The following NOL8 variants were observed in gnomAD, a reference collection of about 807,000 sequenced individuals.
NOL8 encodes the protein nucleolar protein Nop132.
A neutral mutation model predicts 116.1 loss-of-function variants in NOL8; 93 were observed. The ratio of observed to expected loss-of-function variants is 0.80; its 90% CI spans 0.68 to 0.95. The LOEUF (loss-of-function observed/expected upper bound fraction) is 0.95. NOL8 is among the 40% of genes least tolerant of loss of function. NOL8 has a pLI of 0.00. For missense variants in NOL8, 1,291 were observed against 1,382.8 expected, an observed-to-expected ratio of 0.93 and a Z score of 1.05; for synonymous variants, 419 against 469.0, an observed-to-expected ratio of 0.89 and a Z score of 1.38.
chr9:92,300,867 A>G (rs1587943283), intron 13 of NOL8: 1 of 1,036,490 alleles, frequency 9.6e-7, no homozygotes, highest in Non-Finnish European at 1.2e-6. Flanking sequence ...TGCTATTTTA[A>G]CTGCTGATCT....
rs1839301967 is a variant in NOL8, at chr9:92,315,494, G to A, written c.1131C>T (p.Asp377=). 1.2e-6 allele frequency: 2 copies of A among 1,608,650 alleles called. No individual in the cohort carries two copies. Among genetic ancestry groups the A allele is most frequent in the Admixed American group, 1.7e-5 (1 of 59,276 alleles). ...DDIMRNDREY[D]SGDTDEIIAM... is the part of the protein sequence containing the mutation. ...CAATAATTTCATCTGTATCTCCTGA[G>A]TCATACTCACGATCATTTCTCATAA... Residue 377 remains aspartate, a synonymous_variant, in exon 7 of 17, where the codon GAC becomes GAT. Coordinates refer to ENST00000442668, the MANE Select transcript of NOL8 (RefSeq NM_017948.6).
rs757363068 is a variant in NOL8, at chr9:92,316,174, G to GT, written c.487-37dup. The GT allele has an allele frequency of 8.9e-6, 14 of 1,567,792 alleles. No homozygotes were observed. The African/African-American group carries it at 1.9e-4, about 21-fold the overall frequency. On this transcript the variant is annotated intron_variant, in intron 6 of 16. Transcript: ENST00000442668. ...TCAAGAAACAAAACTAAAGCACTTG[G>GT]TTTTAGGAAAACTCATCAATCTTTG...
intron 6 of NOL8, among the ~76,000 whole-genome samples, chr9:92,318,060 AT>A (rs1211528631): frequency 6.9e-6 from 1 of 145,364 alleles, no homozygotes; most frequent in Non-Finnish European, 1.5e-5. Context: ...AAAAAAAAAG[AT>A]TAAAAAAAAA....
rs35089570 is a variant in NOL8 at position 92,312,827 on chromosome 9, CAAAA to C, written c.2358+1436_2358+1439del. On this transcript the variant is annotated intron_variant, in intron 7 of 16. Transcript: ENST00000442668. ...GGGCAACAAGAGCAAAACTCCATCT[CAAAA>C]AAAAAAAAAAAAAAAAAGAAAAGAA... 7.6e-3 allele frequency among the ~76,000 whole-genome samples: 423 copies of C among 55,448 alleles called. 2 individuals carry two copies. The highest frequency in any genetic ancestry group is 0.012 in the Middle Eastern group (1 of 86). 36.4% of individuals were successfully genotyped at this position (55,448 alleles called of 152,430 possible). A position where few individuals can be genotyped will look rare whatever the true frequency, so the allele number is the denominator to read the frequency against.
Position 92,297,879 on chromosome 9 carries a change from C to G in NOL8, c.3461G>C (p.Arg1154Pro). The G allele has an allele frequency of 6.5e-7, 1 of 1,543,366 alleles. No homozygotes were observed. The highest frequency in any genetic ancestry group is 8.7e-7 in the Non-Finnish European group (1 of 1,144,116). The change falls in exon 17 of 17, where the codon CGA becomes CCA. Residue 1154 changes from arginine (R) to proline (P), a missense_variant. Coordinates refer to ENST00000442668, the MANE Select transcript of NOL8 (RefSeq NM_017948.6). The stretch of plus-strand genomic sequence containing the variant: ...CCTTTTTGCGTCTTTATGTTTCTTT[C>G]GACAATCCTAGGAAAAAAAAAAGAC... ...ARTTNLRMDCRKKHKDAKRKM... is the reference protein window; with the variant it reads ...ARTTNLRMDCPKKHKDAKRKM...
chr9:92,325,048 ATTTCGTTTAGCAC>A, intron 1 of NOL8: 1 of 152,128 alleles, frequency 6.6e-6, no homozygotes, highest in Non-Finnish European at 1.5e-5. Flanking sequence ...AGTATCTCTC[ATTTCGTTTAGCAC>A]CCGGCAGGCG....
At position 92,315,926 on chromosome 9, in the gene NOL8, C is replaced by A; in HGVS notation, c.699G>T (p.Leu233=). Residue 233 remains leucine, a synonymous_variant, in exon 7 of 17, where the codon CTG becomes CTT. Coordinates refer to ENST00000442668, the MANE Select transcript of NOL8 (RefSeq NM_017948.6). ...CCCTCCTGGGCCTTGTACTCATGGC[C>A]AGAGACCCAGTGGAACTCTCATCCT... ...VQKDESSTGS[L]AMSTRPRRVI... 6.2e-7 allele frequency: 1 copy of A among 1,613,860 alleles called. No individual in the cohort carries two copies. Among genetic ancestry groups the A allele is most frequent in the South Asian group, 1.1e-5 (1 of 91,080 alleles).
chr9:92,309,845 T>C (rs1049647420), intron 10 of NOL8, among the ~76,000 whole-genome samples: 19 of 152,194 alleles, frequency 1.2e-4, no homozygotes, highest in African/African-American at 4.6e-4. Context: ...GACTTAACTG[T>C]CTTCCATGGC....
chr9:92,298,031 G>T (rs1837390811), intron 16 of NOL8, 145 bp from the exon 17 acceptor site: 1 of 737,524 alleles, frequency 1.4e-6, no homozygotes, highest in Non-Finnish European at 2.2e-6. Flanking sequence ...GGGGATATTG[G>T]CATTTTTGGC....
rs1056892853 is a variant in NOL8, at chr9:92,300,104, G to A, written c.3176-88C>T. The A allele has an allele frequency of 1.1e-4, 160 of 1,485,986 alleles. 2 individuals carry two copies. The Middle Eastern group carries it at 1.2e-3, about 12-fold the overall frequency. The allele number at this position is 1,485,986 out of a possible 1,614,324, so 92.1% of individuals were successfully genotyped here. ...ACATTCATTTGATTACTTTTACCAC[G>A]TAGACATATCTAAAGTTCCAATATG... On this transcript the variant is annotated intron_variant, in intron 13 of 16. Transcript: ENST00000442668.
intron 13 of NOL8, 53 bp downstream of exon 13, chr9:92,301,498 C>CA (rs1313293762): frequency 7.4e-7 from 1 of 1,343,444 alleles, no homozygotes; most frequent in Non-Finnish European, 1.0e-6. Flanking sequence ...CAGATTCAAT[C>CA]AATTAAGTTC....
rs570218346 is a variant in NOL8, at chr9:92,305,766, TATC to T, written c.2887_2889del (p.Asp963del). 1.7e-4 allele frequency: 278 copies of T among 1,608,610 alleles called. 2 individuals carry two copies. The East Asian group carries it at 4.7e-3, about 27-fold the overall frequency. ...AGCTCTACTTACCTTTCTTTTGGCT[TATC>T]ATCTCTTTTTCTTTCGTAAGTGGCA... On this transcript the variant is annotated inframe_deletion, in exon 12 of 17. Coordinates refer to ENST00000442668, the MANE Select transcript of NOL8 (RefSeq NM_017948.6).
chr9:92,307,625 A>C (rs1043008740), intron 10 of NOL8, among the ~76,000 whole-genome samples: 1 of 152,240 alleles, frequency 6.6e-6, no homozygotes, highest in African/African-American at 2.4e-5. Context: ...TGGATTACAG[A>C]AATACAAAAG....
chr9:92,303,099 A>AATAC (rs1487623724), intron 12 of NOL8, among the ~76,000 whole-genome samples: 1 of 152,202 alleles, frequency 6.6e-6, no homozygotes, highest in Non-Finnish European at 1.5e-5. Flanking sequence ...ACAGTGAAAT[A>AATAC]AGAGAGGAGA....
At chr9:92,319,188 A>G (rs1839694790) in intron 5 of NOL8, 33 bp downstream of exon 5, 1 of 1,490,842 alleles carries the variant, frequency 6.7e-7, no homozygotes, top group South Asian at 1.4e-5. Context: ...TTCCAAGACC[A>G]TGTAATTGGC....
chr9:92,310,972 T>C (rs1838725771), intron 8 of NOL8, 174 bp downstream of exon 8: 2 of 602,284 alleles, frequency 3.3e-6, no homozygotes, highest in East Asian at 2.8e-5. Flanking sequence ...GTGGAGAATA[T>C]AGGTTCATAT....
Position 92,310,262 on chromosome 9 carries a change from C to A in NOL8, c.2596-1G>T. On this transcript the variant is annotated splice_acceptor_variant, in intron 9 of 16. Transcript: ENST00000442668. LOFTEE classifies it high-confidence loss of function. ...CAAAGTGCGACTGTAAATCCATGAG[C>A]TACACAGACAGAAAACATACATAAT... The A allele has an allele frequency of 6.2e-7, 1 of 1,603,202 alleles. No homozygotes were observed. Among genetic ancestry groups the A allele is most frequent in the Non-Finnish European group, 8.5e-7 (1 of 1,174,556 alleles).
chr9:92,304,913 G>A (rs1200986285), intron 12 of NOL8, among the ~76,000 whole-genome samples: 1 of 151,974 alleles, frequency 6.6e-6, no homozygotes, highest in Non-Finnish European at 1.5e-5. Flanking sequence ...TGATTTTCGT[G>A]GCTATTAGCA....
chr9:92,312,086 A>C (rs1838846117), intron 7 of NOL8, among the ~76,000 whole-genome samples: 1 of 152,182 alleles, frequency 6.6e-6, no homozygotes, highest in Non-Finnish European at 1.5e-5. Context: ...TATCCTAAAC[A>C]AATTAATACA....
Sources: allele counts gnomAD v4.1 joint callset (sites outside exome capture counted in the v4.1 genomes callset), GRCh38; gene constraint gnomAD v4.1.1; transcripts MANE v1.5; gene names NCBI Gene and HGNC (gene_info 2026-07-23, HGNC 2026-07-21).